Variants in SEC22C observed in about 807,000 individuals in gnomAD.
SEC22C encodes the protein vesicle-trafficking protein SEC22c.
Under a neutral mutation model 34.7 loss-of-function variants are expected in SEC22C, and 29 were observed. That is an observed-to-expected ratio of 0.84 (90% CI 0.62 to 1.14). SEC22C has a LOEUF of 1.14. Among genes scored for constraint, SEC22C ranks in the 50% most tolerant of loss-of-function variants. The pLI is 0.00. For synonymous variants in SEC22C, 117 were observed against 132.8 expected, an observed-to-expected ratio of 0.88 and a Z score of 0.82; for missense variants, 337 against 369.0, an observed-to-expected ratio of 0.91 and a Z score of 0.71.
chr3:42,568,115 TA>T (rs1486631463), intron 2 of SEC22C, among the ~76,000 whole-genome samples: 2 of 151,444 alleles, frequency 1.3e-5, no homozygotes, highest in Non-Finnish European at 2.9e-5. Context: ...AATTAAAACA[TA>T]AAAAAGTGAA....
intron 4 of SEC22C, among the ~76,000 whole-genome samples, chr3:42,559,517 A>C (rs977185535): frequency 2.1e-4 from 32 of 152,378 alleles, no homozygotes; most frequent in African/African-American, 7.7e-4. Flanking sequence ...ATAAACTAGA[A>C]ACACTTATTG....
At chr3:42,563,816 G>C (rs1165166227) in intron 2 of SEC22C, 130 bp from the exon 3 acceptor site, 1 of 1,540,208 alleles carries the variant, frequency 6.5e-7, no homozygotes, top group Non-Finnish European at 8.8e-7. Context: ...GTTTGCTGCA[G>C]GTATATTGTC....
Position 42,561,193 on chromosome 3 carries a change from T to C in SEC22C, c.450A>G (p.Pro150=), listed in dbSNP as rs1379351491. ...KIQEELKLQP[P]AVLTLEDTDV... ...CTGTGTCCTCCAGAGTGAGAACCGC[T>C]GGAGGCTGCAACTTGAGCTCCTCCT... is the stretch of plus-strand genomic sequence containing the variant. Residue 150 remains proline (P), a synonymous_variant, in exon 4 of 7, where the codon CCA becomes CCG. Transcript: ENST00000264454. 6.2e-7 allele frequency: 1 copy of C among 1,614,192 alleles called. No individual in the cohort carries two copies. Among genetic ancestry groups the C allele is most frequent in the Non-Finnish European group, 8.5e-7 (1 of 1,180,030 alleles).
intron 5 of SEC22C, 80 bp downstream of exon 5, chr3:42,557,498 T>A (rs2271182): frequency 0.012 from 7,252 of 597,010 alleles, 323 homozygotes; most frequent in East Asian, 0.11. Flanking sequence ...CTCAGTTTTA[T>A]AGATAAAATG....
chr3:42,550,648 T>C lies in SEC22C; in HGVS notation c.*2600A>G. The C allele has an allele frequency of 2.0e-6, 2 of 985,264 alleles. No homozygotes were observed. The highest frequency in any genetic ancestry group is 1.2e-6 in the Non-Finnish European group (1 of 829,898). 61.0% of individuals were successfully genotyped at this position (985,264 alleles called of 1,614,324 possible). ...CTCACCCCATGTAGATGTTAACTGA[T>C]ATCCACACATTCGACCTGGTGTGGA... On this transcript the variant is annotated 3_prime_UTR_variant, in exon 7 of 7. Coordinates refer to ENST00000264454, the MANE Select transcript of SEC22C (RefSeq NM_032970.4).
chr3:42,583,884 C>A (rs545503567), upstream of SEC22C, among the ~76,000 whole-genome samples: 3 of 152,170 alleles, frequency 2.0e-5, no homozygotes, highest in Admixed American at 6.5e-5. Flanking sequence ...AAGTATTGAG[C>A]CTTTGGACTC....
chr3:42,557,744 T>A (rs1245075397), intron 4 of SEC22C, 48 bp from the exon 5 acceptor site: 1 of 930,872 alleles, frequency 1.1e-6, no homozygotes, highest in Admixed American at 2.0e-5. Flanking sequence ...AATTTCTACA[T>A]GAAAGAAAAA....
At chr3:42,584,504 C>T (rs1467385404), upstream of SEC22C, among the ~76,000 whole-genome samples, 1 of 152,224 alleles carries the variant, frequency 6.6e-6, no homozygotes, top group Non-Finnish European at 1.5e-5. Flanking sequence ...GATCTGCCCG[C>T]CTTGGCCTCC....
intron 1 of SEC22C, among the ~76,000 whole-genome samples, chr3:42,576,831 T>C (rs989580511): frequency 2.0e-5 from 3 of 151,886 alleles, no homozygotes; most frequent in Admixed American, 2.0e-4. Flanking sequence ...AAAGCAATTC[T>C]GAAAAAAGAA....
intron 6 of SEC22C, among the ~76,000 whole-genome samples, chr3:42,554,990 C>CAA (rs1341128419): frequency 7.2e-6 from 1 of 138,610 alleles, no homozygotes; most frequent in African/African-American, 2.9e-5. Flanking sequence ...ACAACAACAA[C>CAA]AACAACAAAA....
At chr3:42,567,938 G>A (rs866691552) in intron 2 of SEC22C, among the ~76,000 whole-genome samples, 3 of 152,218 alleles carry the variant, frequency 2.0e-5, no homozygotes, top group Non-Finnish European at 2.9e-5. Context: ...CGGGCGTGGT[G>A]GTAGGTGCCT....
At chr3:42,554,239 A>G (rs963006571) in intron 6 of SEC22C, among the ~76,000 whole-genome samples, 2 of 152,228 alleles carry the variant, frequency 1.3e-5, no homozygotes, top group Admixed American at 6.5e-5. Flanking sequence ...CCTAAAACAT[A>G]GCTCTAGGAA....
intron 2 of SEC22C, among the ~76,000 whole-genome samples, chr3:42,565,055 G>T (rs1448279960): frequency 1.3e-5 from 2 of 152,166 alleles, no homozygotes; most frequent in Non-Finnish European, 2.9e-5. Context: ...ACTGCACCCA[G>T]CCACAAGGGT....
intron 1 of SEC22C, among the ~76,000 whole-genome samples, chr3:42,576,623 C>T (rs1228154420): frequency 6.6e-6 from 1 of 150,996 alleles, no homozygotes; most frequent in Non-Finnish European, 1.5e-5. Flanking sequence ...TTCCTGAAAT[C>T]AAAGTGCTAA....
intron 4 of SEC22C, 40 bp downstream of exon 4, chr3:42,561,077 A>G (rs763963710): frequency 5.0e-6 from 8 of 1,588,164 alleles, no homozygotes; most frequent in African/African-American, 2.7e-5. Flanking sequence ...GAAATACACA[A>G]TATCACTTCA....
intron 3 of SEC22C, among the ~76,000 whole-genome samples, chr3:42,562,279 C>T (rs1044141464): frequency 6.6e-6 from 1 of 152,204 alleles, no homozygotes; most frequent in African/African-American, 2.4e-5. Context: ...AAGGAAGGCA[C>T]ATGCAGAGAT....
At chr3:42,590,407 G>T (rs770484110) in intron 1 of SEC22C, among the ~76,000 whole-genome samples, 1 of 152,156 alleles carries the variant, frequency 6.6e-6, no homozygotes, top group Non-Finnish European at 1.5e-5. Flanking sequence ...GAGGCGGGCG[G>T]ATCACGAGGT....
chr3:42,581,825 C>T (rs927565921), intron 1 of SEC22C, 21 bp downstream of exon 1: 28 of 152,476 alleles, frequency 1.8e-4, no homozygotes, highest in Admixed American at 6.5e-4. Flanking sequence ...GCGGCACCCG[C>T]CTCCGCCCGC....
chr3:42,568,805 T>C (rs62248845), intron 2 of SEC22C, 60 bp downstream of exon 2: 162,779 of 1,384,076 alleles, frequency 0.12, 10,839 homozygotes, highest in Middle Eastern at 0.21. Context: ...TATCACTACA[T>C]GTAGTTAAAA....
Sources: gnomAD v4.1 joint callset for allele counts (sites outside exome capture counted in the v4.1 genomes callset) on GRCh38, gnomAD v4.1.1 for gene constraint, MANE v1.5 for transcripts, NCBI Gene and HGNC (gene_info 2026-07-23, HGNC 2026-07-21) for gene names.